SMCHD1: variants seen among roughly 807,000 people sequenced by gnomAD.
SMCHD1 encodes structural maintenance of chromosomes flexible hinge domain-containing protein 1.
SMCHD1 carries 78 observed loss-of-function variants against 254.7 expected under a neutral mutation model. That is an observed-to-expected ratio of 0.31 (90% CI 0.26 to 0.37). The LOEUF is 0.37. SMCHD1 is among the 10% of genes least tolerant of loss of function. The probability of loss-of-function intolerance (pLI) is 1.00; values close to 1 mark genes in which losing one functional copy is unlikely to be tolerated. For synonymous variants in SMCHD1, 766 were observed against 794.9 expected, an observed-to-expected ratio of 0.96 and a Z score of 0.61; for missense variants, 1,840 against 2,408.1, an observed-to-expected ratio of 0.76 and a Z score of 4.94.
At chr18:2,700,512 T>G (rs2074377383) in intron 10 of SMCHD1, 27 bp from the exon 11 acceptor site, 1 of 1,580,600 alleles carries the variant, frequency 6.3e-7, no homozygotes, top group Middle Eastern at 1.7e-4. Context: ...CAATAAACAT[T>G]TTGTTCCATT....
At chr18:2,775,000 G>GGATTTGTA (rs1200216196) in intron 41 of SMCHD1, among the ~76,000 whole-genome samples, 2 of 150,808 alleles carry the variant, frequency 1.3e-5, no homozygotes, top group African/African-American at 2.4e-5. Flanking sequence ...ACTGAAGGAA[G>GGATTTGTA]GATTTGTAAT....
chr18:2,759,530 T>G, intron 34 of SMCHD1, among the ~76,000 whole-genome samples: 1 of 114,430 alleles, frequency 8.7e-6, no homozygotes, highest in African/African-American at 3.3e-5. Flanking sequence ...TCATGAAGGG[T>G]TGGCCTGCCA....
chr18:2,787,062 A>G (rs2076251841), intron 45 of SMCHD1, among the ~76,000 whole-genome samples: 1 of 152,196 alleles, frequency 6.6e-6, no homozygotes, highest in South Asian at 2.1e-4. Flanking sequence ...AATTTGGCAT[A>G]CACTTCTTCT....
intron 10 of SMCHD1, among the ~76,000 whole-genome samples, chr18:2,699,845 G>C (rs1309526089): frequency 6.6e-6 from 1 of 152,194 alleles, no homozygotes; most frequent in Non-Finnish European, 1.5e-5. Context: ...TTAGGGAGAA[G>C]GTTTTGTTTT....
chr18:2,696,834 C>G (rs755507921), intron 8 of SMCHD1, among the ~76,000 whole-genome samples, 198 bp from the exon 9 acceptor site: 1 of 152,124 alleles, frequency 6.6e-6, no homozygotes, highest in African/African-American at 2.4e-5. Flanking sequence ...TCTTGCACCC[C>G]AGGTTCTATA....
chr18:2,730,654 CT>C (rs752853200), intron 24 of SMCHD1, among the ~76,000 whole-genome samples: 6 of 152,232 alleles, frequency 3.9e-5, no homozygotes, highest in Non-Finnish European at 8.8e-5. Flanking sequence ...AAGTAAAATA[CT>C]TAAATGTGAT....
chr18:2,685,242 G>T (rs984356624), intron 5 of SMCHD1, among the ~76,000 whole-genome samples: 1 of 151,718 alleles, frequency 6.6e-6, no homozygotes, highest in Non-Finnish European at 1.5e-5. Context: ...TGGGACTACA[G>T]GCGCCCGCCA....
intron 22 of SMCHD1, among the ~76,000 whole-genome samples, chr18:2,727,833 T>C (rs773635059): frequency 6.6e-6 from 1 of 152,064 alleles, no homozygotes; most frequent in Non-Finnish European, 1.5e-5. Context: ...AAATAAAATA[T>C]TTTAAGTAAT....
chr18:2,795,208 C>T (rs1352913864), intron 45 of SMCHD1, among the ~76,000 whole-genome samples: 1 of 152,140 alleles, frequency 6.6e-6, no homozygotes, highest in Non-Finnish European at 1.5e-5. Flanking sequence ...TGCCCGCCAC[C>T]ATGCCCAGCT....
chr18:2,716,402 G>A (rs1296330936), intron 17 of SMCHD1, among the ~76,000 whole-genome samples: 1 of 152,206 alleles, frequency 6.6e-6, no homozygotes, highest in Non-Finnish European at 1.5e-5. Flanking sequence ...GAAGGTAAGA[G>A]CTGGATGCAG....
chr18:2,761,153 A>G (rs943976733), intron 35 of SMCHD1, among the ~76,000 whole-genome samples: 2 of 152,250 alleles, frequency 1.3e-5, no homozygotes, highest in African/African-American at 4.8e-5. Context: ...AAGTAAATTA[A>G]TTAAGAAACT....
At chr18:2,688,311 A>T in intron 5 of SMCHD1, 83 bp from the exon 6 acceptor site, 1 of 936,238 alleles carries the variant, frequency 1.1e-6, no homozygotes, top group Non-Finnish European at 1.7e-6. Flanking sequence ...TCATTTTATT[A>T]ACACTGAATA....
intron 41 of SMCHD1, among the ~76,000 whole-genome samples, chr18:2,773,747 C>T (rs2076021056): frequency 6.6e-6 from 1 of 152,146 alleles, no homozygotes. Flanking sequence ...CCTGGTGAAA[C>T]CCCGTCTCTA....
intron 45 of SMCHD1, among the ~76,000 whole-genome samples, chr18:2,793,071 C>A (rs541735492): frequency 6.6e-6 from 1 of 152,242 alleles, no homozygotes; most frequent in East Asian, 1.9e-4. Flanking sequence ...CAATAAGTTT[C>A]TTCGAATTAT....
At chr18:2,757,949 G>T (rs900787639) in intron 34 of SMCHD1, among the ~76,000 whole-genome samples, 7 of 151,708 alleles carry the variant, frequency 4.6e-5, no homozygotes, top group Admixed American at 2.0e-4. Flanking sequence ...CTCTAGTAAC[G>T]TTTTTGCCTT....
chr18:2,746,798 G>A (rs159757), intron 29 of SMCHD1, among the ~76,000 whole-genome samples: 147,249 of 152,236 alleles, frequency 0.97, 71,287 homozygotes, highest in East Asian at 1. Flanking sequence ...TAAAATGTTG[G>A]CCCAGGGGAT....
intron 28 of SMCHD1, 87 bp from the exon 29 acceptor site, chr18:2,743,674 C>T: frequency 2.2e-6 from 2 of 929,294 alleles, no homozygotes; most frequent in Non-Finnish European, 3.1e-6. Flanking sequence ...TCTGTACGCC[C>T]ATGGGTTAAT....
At position 2,741,948 on chromosome 18, in the gene SMCHD1, TA is replaced by T. The variant is rs199887274; in HGVS notation, c.3633+1128del. Among the ~76,000 whole-genome samples the T allele has an allele frequency of 7.7e-4, 118 of 152,340 alleles. 2 individuals carry two copies. The East Asian group carries it at 0.02, about 26-fold the overall frequency. ...CTTTGGCCCTGTATTCCTGTCCATC[TA>T]CTGCCCTCCTCCATTTTATAGTAAA... On this transcript the variant is annotated intron_variant, in intron 28 of 47. Transcript: ENST00000320876.
At chr18:2,789,754 C>T (rs924122782) in intron 45 of SMCHD1, among the ~76,000 whole-genome samples, 2 of 152,128 alleles carry the variant, frequency 1.3e-5, no homozygotes, top group African/African-American at 2.4e-5. Context: ...ATAACTTCAT[C>T]GTAAGTTGAG....
Sources: allele counts gnomAD v4.1 joint callset (sites outside exome capture counted in the v4.1 genomes callset), GRCh38; gene constraint gnomAD v4.1.1; transcripts MANE v1.5; gene names NCBI Gene and HGNC (gene_info 2026-07-23, HGNC 2026-07-21).